THADA: variants seen among roughly 807,000 people sequenced by gnomAD.
THADA encodes the protein tRNA (32-2'-O)-methyltransferase regulator THADA.
Under a neutral mutation model 219.8 loss-of-function variants are expected in THADA, and 213 were observed. The observed-to-expected ratio is 0.97, with a 90% CI of 0.87 to 1.09. The LOEUF (loss-of-function observed/expected upper bound fraction) is 1.09. THADA is among the 50% of genes least tolerant of loss of function. The pLI, the probability that THADA is intolerant of heterozygous loss-of-function variation, is 0.00. For synonymous variants in THADA, 1,018 were observed against 828.9 expected (o/e 1.23, Z -3.92); for missense variants, 2,956 against 2,311.3 (o/e 1.28, Z -5.72).
chr2:43,320,678 A>ACTCTAACCTGGGTGACAGAGC, intron 30 of THADA, 138 bp from the exon 31 acceptor site: 2 of 577,804 alleles, frequency 3.5e-6, no homozygotes, highest in Admixed American at 6.9e-5. Context: ...AATGATGTAC[A>ACTCTAACCTGGGTGACAGAGC]ATCATTGATG....
intron 36 of THADA, among the ~76,000 whole-genome samples, chr2:43,253,536 C>G (rs946410510): frequency 6.6e-6 from 1 of 152,134 alleles, no homozygotes; most frequent in Non-Finnish European, 1.5e-5. Flanking sequence ...GTGACCAAAC[C>G]TGCCCTCTTG....
intron 36 of THADA, among the ~76,000 whole-genome samples, chr2:43,240,736 T>C (rs1668530630): frequency 6.6e-6 from 1 of 152,194 alleles, no homozygotes; most frequent in African/African-American, 2.4e-5. Context: ...TCCTAAGGAA[T>C]GGAAGGGGAT....
At chr2:43,324,184 C>T (rs1309510047) in intron 30 of THADA, among the ~76,000 whole-genome samples, 1 of 152,196 alleles carries the variant, frequency 6.6e-6, no homozygotes, top group African/African-American at 2.4e-5. Context: ...ATGAGATTTT[C>T]AGCTAAGTTA....
At chr2:43,437,283 T>C (rs1175322977) in intron 26 of THADA, among the ~76,000 whole-genome samples, 2 of 152,204 alleles carry the variant, frequency 1.3e-5, no homozygotes, top group African/African-American at 2.4e-5. Flanking sequence ...ATAAAGTCTG[T>C]ATAATCACTA....
chr2:43,457,035 C>CGTGT (rs143933991), intron 26 of THADA, among the ~76,000 whole-genome samples: 1 of 151,578 alleles, frequency 6.6e-6, no homozygotes, highest in African/African-American at 2.4e-5. Flanking sequence ...ATTTTATATA[C>CGTGT]GTGTGTGTGT....
intron 30 of THADA, among the ~76,000 whole-genome samples, chr2:43,341,943 T>C (rs1667104548): frequency 6.6e-6 from 1 of 152,128 alleles, no homozygotes; most frequent in South Asian, 2.1e-4. Flanking sequence ...GTGCAGTGGC[T>C]CACATGCCTG....
At chr2:43,421,096 C>A (rs1677662032) in intron 28 of THADA, among the ~76,000 whole-genome samples, 2 of 152,178 alleles carry the variant, frequency 1.3e-5, no homozygotes, top group South Asian at 4.1e-4. Context: ...TATACAAATA[C>A]CCCATGGAAG....
chr2:43,579,387 G>A (rs1300848634), intron 8 of THADA, among the ~76,000 whole-genome samples: 1 of 152,182 alleles, frequency 6.6e-6, no homozygotes, highest in Non-Finnish European at 1.5e-5. Flanking sequence ...CACTGACACT[G>A]TACCCATAGC....
chr2:43,557,748 T>C (rs1311701920), intron 16 of THADA, among the ~76,000 whole-genome samples: 2 of 152,242 alleles, frequency 1.3e-5, no homozygotes, highest in Non-Finnish European at 2.9e-5. Flanking sequence ...AATAATATTC[T>C]GATTCTACTA....
intron 34 of THADA, among the ~76,000 whole-genome samples, chr2:43,289,579 A>G (rs1558524857): frequency 2.0e-5 from 3 of 152,248 alleles, no homozygotes; most frequent in African/African-American, 4.8e-5. Flanking sequence ...ACAGCTTTAG[A>G]TAAGAATAAT....
At chr2:43,388,453 A>G (rs1269086674) in intron 29 of THADA, among the ~76,000 whole-genome samples, 3 of 152,236 alleles carry the variant, frequency 2.0e-5, no homozygotes, top group Non-Finnish European at 4.4e-5. Context: ...AGATTAATCT[A>G]TCTAGGAGGA....
chr2:43,316,265 CCTTT>C (rs1206643256), intron 31 of THADA, among the ~76,000 whole-genome samples: 5 of 152,200 alleles, frequency 3.3e-5, no homozygotes, highest in Non-Finnish European at 5.9e-5. Context: ...ATACATACTT[CCTTT>C]AATACAGCAT....
At chr2:43,290,193 A>G (rs1376014573) in intron 34 of THADA, among the ~76,000 whole-genome samples, 1 of 151,398 alleles carries the variant, frequency 6.6e-6, no homozygotes, top group Non-Finnish European at 1.5e-5. Flanking sequence ...GCTAGTCTCA[A>G]ATTCCTGACC....
chr2:43,449,764 G>A (rs140084910), intron 26 of THADA, among the ~76,000 whole-genome samples: 59 of 152,168 alleles, frequency 3.9e-4, no homozygotes, highest in Middle Eastern at 3.4e-3. Context: ...GCAAGACCCC[G>A]TCTTAAAAAA....
intron 28 of THADA, among the ~76,000 whole-genome samples, chr2:43,415,978 T>A (rs866492159): frequency 6.6e-6 from 1 of 152,202 alleles, no homozygotes; most frequent in Admixed American, 6.5e-5. Flanking sequence ...GGTGGGGGGA[T>A]AATAAATGAT....
At position 43,459,206 on chromosome 2, in the gene THADA, C is replaced by T. The variant is rs28605532; in HGVS notation, c.3836+26028G>A. On this transcript the variant is annotated intron_variant, in intron 26 of 37. Transcript: ENST00000405975. ...TCACTTCAGGCTGCCCTCTCTGTACCCTGTGCATTTTCATCCTGACTTTTG... is the reference window on the plus strand; with the variant it reads ...TCACTTCAGGCTGCCCTCTCTGTACTCTGTGCATTTTCATCCTGACTTTTG... 4.5e-3 allele frequency among the ~76,000 whole-genome samples: 683 copies of T among 152,268 alleles called. 8 individuals are homozygous for T. Among genetic ancestry groups the T allele is most frequent in the African/African-American group, 0.016 (657 of 41,552 alleles).
At chr2:43,232,191 T>C (rs541029815) in intron 37 of THADA, among the ~76,000 whole-genome samples, 60 of 152,132 alleles carry the variant, frequency 3.9e-4, no homozygotes, top group African/African-American at 1.3e-3. Flanking sequence ...CTTTTCTTTT[T>C]TTTTTGAGAT....
At chr2:43,262,626 T>C (rs1238617867) in intron 36 of THADA, among the ~76,000 whole-genome samples, 1 of 152,260 alleles carries the variant, frequency 6.6e-6, no homozygotes, top group East Asian at 1.9e-4. Context: ...GAAAACTCAA[T>C]CTAAGTTCGT....
chr2:43,338,950 C>G (rs1666780612), intron 30 of THADA, among the ~76,000 whole-genome samples: 1 of 151,970 alleles, frequency 6.6e-6, no homozygotes, highest in Non-Finnish European at 1.5e-5. Context: ...GTAGCTGTAT[C>G]ACAAAGAGTT....
Sources: gnomAD v4.1 joint callset for allele counts (sites outside exome capture counted in the v4.1 genomes callset) on GRCh38, gnomAD v4.1.1 for gene constraint, MANE v1.5 for transcripts, NCBI Gene and HGNC (gene_info 2026-07-23, HGNC 2026-07-21) for gene names.